Variants in ZIM2 observed in about 807,000 individuals in gnomAD.
ZIM2 encodes zinc finger protein 656.
ZIM2 carries 14 observed loss-of-function variants against 38.6 expected under a neutral mutation model. That is an observed-to-expected ratio of 0.36 (90% CI 0.24 to 0.57). The LOEUF (loss-of-function observed/expected upper bound fraction) is 0.57. ZIM2 is among the 20% of genes least tolerant of loss of function. The pLI is 0.81. For synonymous variants in ZIM2, 247 were observed against 245.8 expected (o/e 1.00, Z -0.04); for missense variants, 680 against 695.1 (o/e 0.98, Z 0.24).
intron 9 of ZIM2, 136 bp downstream of exon 9, chr19:56,817,610 C>G (rs1159547430): frequency 6.4e-7 from 1 of 1,562,228 alleles, no homozygotes; most frequent in African/African-American, 1.4e-5. Flanking sequence ...TAAATACTCC[C>G]TAGTCCCCAT....
At chr19:56,832,392 C>A (rs1159789209) in intron 2 of ZIM2, among the ~76,000 whole-genome samples, 1 of 152,120 alleles carries the variant, frequency 6.6e-6, no homozygotes. Context: ...AGGGGGCTAA[C>A]ACGCATCAAG....
At chr19:56,811,380 T>C in intron 9 of ZIM2, 1 of 876,268 alleles carries the variant, frequency 1.1e-6, no homozygotes, top group South Asian at 5.3e-5. Context: ...GTAGTATAAA[T>C]ATACTTTCGT....
chr19:56,784,529 T>C (rs1020295394), intron 10 of ZIM2, among the ~76,000 whole-genome samples: 1 of 152,196 alleles, frequency 6.6e-6, no homozygotes, highest in African/African-American at 2.4e-5. Flanking sequence ...CATGTGGTAG[T>C]CAGAGCATTT....
intron 9 of ZIM2, chr19:56,798,874 A>G (rs914953376): frequency 3.9e-5 from 6 of 152,288 alleles, no homozygotes; most frequent in African/African-American, 1.2e-4. Context: ...GCTCAACACC[A>G]CTGATCATTA....
At chr19:56,808,562 T>C (rs796212104) in intron 9 of ZIM2, among the ~76,000 whole-genome samples, 1 of 152,010 alleles carries the variant, frequency 6.6e-6, no homozygotes, top group Non-Finnish European at 1.5e-5. Context: ...TGGGGAGATA[T>C]GGTACCAGTC....
chr19:56,815,811 G>C (rs2059927068), intron 9 of ZIM2: 1 of 1,613,448 alleles, frequency 6.2e-7, no homozygotes, highest in Non-Finnish European at 8.5e-7. Context: ...GGTTCTCTCT[G>C]GCAGGAATCT....
At chr19:56,781,228 T>G (rs185492202) in intron 11 of ZIM2, among the ~76,000 whole-genome samples, 1 of 152,260 alleles carries the variant, frequency 6.6e-6, no homozygotes, top group Non-Finnish European at 1.5e-5. Context: ...GGTCCCTGAC[T>G]TGCCAGTGGA....
intron 11 of ZIM2, among the ~76,000 whole-genome samples, chr19:56,779,959 G>C (rs2046241251): frequency 6.6e-6 from 1 of 152,234 alleles, no homozygotes. Flanking sequence ...CCCTCCCTTA[G>C]TTCCTTGTTT....
intron 9 of ZIM2, among the ~76,000 whole-genome samples, chr19:56,806,426 G>A (rs1050077871): frequency 6.6e-6 from 1 of 152,162 alleles, no homozygotes; most frequent in Non-Finnish European, 1.5e-5. Context: ...GGGGAAGGGG[G>A]AGGAGAGAGT....
chr19:56,814,601 GTCTC>G lies in ZIM2; in HGVS notation c.490+3141_490+3144del. The G allele has an allele frequency of 6.2e-7, 1 of 1,614,116 alleles. No individual in the cohort carries two copies. On this transcript the variant is annotated intron_variant, in intron 9 of 12. Coordinates refer to ENST00000629319, the MANE Select transcript of ZIM2 (RefSeq NM_001387356.1). This position sits in a 1 kb window ranked among gnomAD's most constrained non-coding sequence, Gnocchi z 5.8. Reference sequence around the variant, plus strand: ...TCTCCACAGACTGCACATTCAAAGAGTCTCTCTTCGGTCTGACTTCTCTGAAACT... The same window carrying G: ...TCTCCACAGACTGCACATTCAAAGAGTCTTCGGTCTGACTTCTCTGAAACT...
chr19:56,814,289 G>A lies in ZIM2; in HGVS notation c.490+3457C>T. The A allele has an allele frequency of 6.2e-7, 1 of 1,613,614 alleles. No homozygotes were observed. Among genetic ancestry groups the A allele is most frequent in the Non-Finnish European group, 8.5e-7 (1 of 1,179,974 alleles). On this transcript the variant is annotated intron_variant, in intron 9 of 12. Coordinates refer to ENST00000629319, the MANE Select transcript of ZIM2 (RefSeq NM_001387356.1). This position sits in a 1 kb window ranked among gnomAD's most constrained non-coding sequence, Gnocchi z 5.8. ...TCTACGTTTAAGCCCTGAATCCTCAGAACTACTTGTGGAACATGGACATTG... is the reference window on the plus strand; with the variant it reads ...TCTACGTTTAAGCCCTGAATCCTCAAAACTACTTGTGGAACATGGACATTG...
In ZIM2 at chr19:56,815,842, T is replaced by C. The variant is rs770703012; in HGVS notation, c.490+1904A>G. The C allele has an allele frequency of 1.9e-6, 3 of 1,613,782 alleles. No individual in the cohort carries two copies. The South Asian group carries it at 3.3e-5, about 18-fold the overall frequency. On this transcript the variant is annotated intron_variant, in intron 9 of 12. Coordinates refer to ENST00000629319, the MANE Select transcript of ZIM2 (RefSeq NM_001387356.1). Reference sequence around the variant, plus strand: ...AATCTTCTGTCGCTTATCATTAAGGTCTGAGATATAAATGGAGGATTCTCC... The same window carrying C: ...AATCTTCTGTCGCTTATCATTAAGGCCTGAGATATAAATGGAGGATTCTCC...
chr19:56,821,904 G>T, intron 6 of ZIM2, 150 bp from the exon 7 acceptor site: 2 of 827,688 alleles, frequency 2.4e-6, no homozygotes, highest in Non-Finnish European at 3.8e-6. Flanking sequence ...AGCCTCTGAG[G>T]AGTCCCATAA....
At chr19:56,807,155 TAAG>T (rs1371176585) in intron 9 of ZIM2, among the ~76,000 whole-genome samples, 6 of 152,162 alleles carry the variant, frequency 3.9e-5, no homozygotes, top group Non-Finnish European at 7.3e-5. Context: ...AGAGAAATTT[TAAG>T]AAGACCTTGC....
intron 12 of ZIM2, among the ~76,000 whole-genome samples, chr19:56,778,453 G>C (rs1325490626): frequency 1.3e-5 from 2 of 152,180 alleles, no homozygotes; most frequent in African/African-American, 2.4e-5. Context: ...GCTAGTTCAG[G>C]AAAGGGATAT....
chr19:56,837,527 G>T (rs919029807), intron 1 of ZIM2, among the ~76,000 whole-genome samples: 1 of 152,252 alleles, frequency 6.6e-6, no homozygotes, highest in Admixed American at 6.5e-5. Flanking sequence ...ACCCAAGGCT[G>T]CACAGCTGAA....
At chr19:56,816,195 C>A (rs770435859) in intron 9 of ZIM2, 1 of 1,614,138 alleles carries the variant, frequency 6.2e-7, no homozygotes, top group South Asian at 1.1e-5. Flanking sequence ...TAATGGTGAA[C>A]GCCTTTTCGT....
chr19:56,774,750 A>G lies in ZIM2; in HGVS notation c.1615T>C (p.Tyr539His). 1 of 1,614,152 alleles carries G rather than the reference A, an allele frequency of 6.2e-7. No homozygotes were observed. The highest frequency in any genetic ancestry group is 8.5e-7 in the Non-Finnish European group (1 of 1,180,022). The change falls in exon 13 of 13, where the codon TAC becomes CAC. Residue 539 changes from tyrosine to histidine, a missense_variant. Coordinates refer to ENST00000629319, the MANE Select transcript of ZIM2 (RefSeq NM_001387356.1). ...LCGKCFGRPSYLTQHYQLHSQ... is the reference protein window; with the variant it reads ...LCGKCFGRPSHLTQHYQLHSQ... The stretch of plus-strand genomic sequence containing the variant: ...TGGAGTTGATAATGTTGAGTGAGGT[A>G]TGAGGGTCGGCCGAAACATTTCCCA...
intron 8 of ZIM2, 135 bp from the exon 9 acceptor site, chr19:56,817,973 A>AT (rs1370581611): frequency 7.5e-6 from 5 of 664,382 alleles, no homozygotes; most frequent in Non-Finnish European, 1.3e-5. Flanking sequence ...GTCAGAAGAC[A>AT]TTTGCTGTCT....
Sources: gnomAD v4.1 joint callset for allele counts (sites outside exome capture counted in the v4.1 genomes callset) on GRCh38, gnomAD v4.1.1 for gene constraint, Gnocchi (gnomAD v3.1) non-coding constraint, MANE v1.5 for transcripts, NCBI Gene and HGNC (gene_info 2026-07-23, HGNC 2026-07-21) for gene names.